DPP10: variants seen among roughly 807,000 people sequenced by gnomAD.
DPP10 encodes the protein dipeptidyl peptidase like 10.
Under a neutral mutation model 120.9 loss-of-function variants are expected in DPP10, and 33 were observed. The observed-to-expected ratio is 0.27, with a 90% CI of 0.21 to 0.37. The LOEUF (loss-of-function observed/expected upper bound fraction) is 0.37. Among genes scored for constraint, DPP10 ranks in the 10% least tolerant of loss-of-function variants. The pLI is 1.00. For synonymous variants in DPP10, 337 were observed against 326.1 expected (o/e 1.03, Z -0.36); for missense variants, 816 against 942.8 (o/e 0.87, Z 1.76).
chr2:115,546,483 G>T (rs1575146247), intron 5 of DPP10, among the ~76,000 whole-genome samples: 3 of 151,806 alleles, frequency 2.0e-5, no homozygotes, highest in South Asian at 2.1e-4. Flanking sequence ...ATTCATTTAG[G>T]TTTCTCTGTA....
At chr2:114,620,820 G>A (rs1389571012) in intron 1 of DPP10, among the ~76,000 whole-genome samples, 6 of 152,072 alleles carry the variant, frequency 3.9e-5, no homozygotes, top group Non-Finnish European at 8.8e-5. Context: ...CCGCATCTTG[G>A]TACCTTATGC....
chr2:115,132,089 A>AAAT (rs1302169872), intron 1 of DPP10, among the ~76,000 whole-genome samples: 17 of 152,014 alleles, frequency 1.1e-4, no homozygotes, highest in South Asian at 8.3e-4. Context: ...CGCCATCTCA[A>AAAT]AATAATAATA....
At chr2:114,519,700 G>A (rs779680542) in intron 1 of DPP10, among the ~76,000 whole-genome samples, 4 of 152,154 alleles carry the variant, frequency 2.6e-5, no homozygotes, top group Non-Finnish European at 4.4e-5. Flanking sequence ...AACAGCAAAT[G>A]TTCTTCTCAG....
intron 4 of DPP10, among the ~76,000 whole-genome samples, chr2:115,504,158 G>A (rs1421503128): frequency 1.3e-5 from 2 of 151,820 alleles, no homozygotes; most frequent in Non-Finnish European, 1.5e-5. Flanking sequence ...TCTCTTGTGT[G>A]TATTGCTGAG....
chr2:115,099,949 A>T (rs945707575), intron 1 of DPP10, among the ~76,000 whole-genome samples: 1 of 152,214 alleles, frequency 6.6e-6, no homozygotes, highest in African/African-American at 2.4e-5. Flanking sequence ...TTGATGTAGT[A>T]AGCAGTCTTT....
At chr2:115,022,646 A>G (rs1385121628) in intron 1 of DPP10, among the ~76,000 whole-genome samples, 2 of 152,082 alleles carry the variant, frequency 1.3e-5, no homozygotes, top group African/African-American at 4.8e-5. Context: ...ACTAGAAAAA[A>G]CAACCCTAAA....
intron 7 of DPP10, among the ~76,000 whole-genome samples, chr2:115,704,658 T>A (rs2092029453): frequency 6.6e-6 from 1 of 151,990 alleles, no homozygotes. Flanking sequence ...AAAAGTCATG[T>A]ATGAGAAGAT....
chr2:114,609,562 C>T (rs1016322844), intron 1 of DPP10, among the ~76,000 whole-genome samples: 1 of 152,136 alleles, frequency 6.6e-6, no homozygotes, highest in Non-Finnish European at 1.5e-5. Flanking sequence ...AAAGTGATAC[C>T]TAGTCCATTA....
intron 7 of DPP10, among the ~76,000 whole-genome samples, chr2:115,722,606 G>A (rs1355385520): frequency 6.6e-6 from 1 of 151,882 alleles, no homozygotes; most frequent in South Asian, 2.1e-4. Flanking sequence ...AATATTGTGG[G>A]CAACTGCAAC....
At chr2:115,790,269 C>T (rs1054034042) in intron 17 of DPP10, among the ~76,000 whole-genome samples, 17 of 151,006 alleles carry the variant, frequency 1.1e-4, no homozygotes, top group African/African-American at 3.9e-4. Context: ...TTAGTAGAGA[C>T]GGGGTTTCAC....
chr2:115,365,421 C>G lies in DPP10; in HGVS notation c.271+21509C>G, dbSNP rs191925464. On this transcript the variant is annotated intron_variant, in intron 3 of 25. Coordinates refer to ENST00000410059, the MANE Select transcript of DPP10 (RefSeq NM_020868.6). The stretch of plus-strand genomic sequence containing the variant: ...CCTAGATTCCAAGAACTAAAAGTAA[C>G]TGCAGACATCAGGCAGAGATGGTCC... 2.2e-3 allele frequency among the ~76,000 whole-genome samples: 328 copies of G among 151,982 alleles called. 8 individuals carry two copies. Among genetic ancestry groups the G allele is most frequent in the Non-Finnish European group, 4.0e-4 (27 of 67,950 alleles).
chr2:114,669,137 C>T (rs1238440203), intron 1 of DPP10, among the ~76,000 whole-genome samples: 1 of 152,148 alleles, frequency 6.6e-6, no homozygotes, highest in Admixed American at 6.6e-5. Flanking sequence ...GTTCCCCACT[C>T]ATCTCTAGTG....
At chr2:114,947,899 T>C (rs900097355) in intron 1 of DPP10, among the ~76,000 whole-genome samples, 2 of 152,068 alleles carry the variant, frequency 1.3e-5, no homozygotes, top group African/African-American at 2.4e-5. Context: ...TAATTTGATA[T>C]GTTCATAAGT....
chr2:114,811,152 T>C (rs1685138794), intron 1 of DPP10, among the ~76,000 whole-genome samples: 1 of 152,086 alleles, frequency 6.6e-6, no homozygotes, highest in Non-Finnish European at 1.5e-5. Context: ...TCTCAGCTTC[T>C]CCTCCCAATA....
intron 2 of DPP10, among the ~76,000 whole-genome samples, chr2:115,336,599 CTATATA>C (rs71394128): frequency 0.012 from 1,797 of 145,826 alleles, 28 homozygotes; most frequent in South Asian, 0.033. Flanking sequence ...CTCTCTCTCT[CTATATA>C]TATATATATA....
At chr2:115,024,232 A>G (rs1351024522) in intron 1 of DPP10, among the ~76,000 whole-genome samples, 2 of 152,178 alleles carry the variant, frequency 1.3e-5, no homozygotes, top group East Asian at 3.8e-4. Context: ...TCTTATAGAC[A>G]GCATATAGTT....
intron 1 of DPP10, among the ~76,000 whole-genome samples, chr2:114,513,137 T>C (rs1684287159): frequency 6.6e-6 from 1 of 152,160 alleles, no homozygotes; most frequent in East Asian, 1.9e-4. Flanking sequence ...CATTATCACA[T>C]GAAACAATCT....
intron 1 of DPP10, among the ~76,000 whole-genome samples, chr2:114,506,352 C>A (rs371642006): frequency 5.7e-4 from 87 of 152,312 alleles, no homozygotes; most frequent in African/African-American, 2.0e-3. Context: ...CCCTTTCCAG[C>A]TCCCCTTCCT....
intron 1 of DPP10, among the ~76,000 whole-genome samples, chr2:115,262,097 A>T (rs2059276486): frequency 6.6e-6 from 1 of 152,184 alleles, no homozygotes; most frequent in Admixed American, 6.5e-5. Flanking sequence ...TGTTTTTAAC[A>T]CAGTGAAGTA....
Sources: gnomAD v4.1 joint callset for allele counts (sites outside exome capture counted in the v4.1 genomes callset) on GRCh38, gnomAD v4.1.1 for gene constraint, MANE v1.5 for transcripts, NCBI Gene and HGNC (gene_info 2026-07-23, HGNC 2026-07-21) for gene names.